Variants in MACROD2 observed in about 807,000 individuals in gnomAD.
MACROD2 encodes mono-ADP ribosylhydrolase 2.
MACROD2 carries 36 observed loss-of-function variants against 70.4 expected under a neutral mutation model. The ratio of observed to expected loss-of-function variants is 0.51; its 90% CI spans 0.39 to 0.68. The LOEUF is 0.68. Among genes scored for constraint, MACROD2 ranks in the 30% least tolerant of loss-of-function variants. MACROD2 has a pLI of 0.00. For synonymous variants in MACROD2, 172 were observed against 178.8 expected, an observed-to-expected ratio of 0.96 and a Z score of 0.30; for missense variants, 496 against 538.4, an observed-to-expected ratio of 0.92 and a Z score of 0.78.
At chr20:15,977,221 A>C (rs1026593325) in intron 13 of MACROD2, among the ~76,000 whole-genome samples, 1 of 152,236 alleles carries the variant, frequency 6.6e-6, no homozygotes, top group African/African-American at 2.4e-5. Context: ...CTATAGCAAC[A>C]GTGATAGAGA....
intron 6 of MACROD2, among the ~76,000 whole-genome samples, chr20:15,273,632 T>G (rs1267644293): frequency 6.6e-6 from 1 of 152,142 alleles, no homozygotes; most frequent in Non-Finnish European, 1.5e-5. Context: ...TCTGAAGGCC[T>G]ACAGATGGAA....
At chr20:14,033,326 T>G (rs2053268406) in intron 2 of MACROD2, among the ~76,000 whole-genome samples, 1 of 152,144 alleles carries the variant, frequency 6.6e-6, no homozygotes, top group Non-Finnish European at 1.5e-5. Flanking sequence ...TATGCCACTG[T>G]TACAGTTACA....
At chr20:14,364,082 G>T (rs1371180901) in intron 3 of MACROD2, among the ~76,000 whole-genome samples, 1 of 152,064 alleles carries the variant, frequency 6.6e-6, no homozygotes, top group Non-Finnish European at 1.5e-5. Context: ...TTAAAAGGTG[G>T]TTTTCTACTT....
At chr20:14,017,242 G>C (rs914385440) in intron 2 of MACROD2, among the ~76,000 whole-genome samples, 2 of 152,034 alleles carry the variant, frequency 1.3e-5, no homozygotes, top group Admixed American at 6.6e-5. Context: ...CGGGTTTTCT[G>C]CATTTACGAT....
chr20:14,443,222 G>A (rs2077258333), intron 3 of MACROD2, among the ~76,000 whole-genome samples: 1 of 151,820 alleles, frequency 6.6e-6, no homozygotes, highest in African/African-American at 2.4e-5. Flanking sequence ...AAAGGACTGG[G>A]TAGAGGCTGG....
chr20:14,066,855 A>G (rs1437870668), intron 2 of MACROD2, among the ~76,000 whole-genome samples: 1 of 120,414 alleles, frequency 8.3e-6, no homozygotes, highest in South Asian at 2.8e-4. Flanking sequence ...CTGTCCGCCC[A>G]GGCTGGAGAG....
At chr20:14,641,256 C>T (rs891739582) in intron 4 of MACROD2, among the ~76,000 whole-genome samples, 1 of 152,168 alleles carries the variant, frequency 6.6e-6, no homozygotes, top group Non-Finnish European at 1.5e-5. Flanking sequence ...GATTCAGTCA[C>T]GTATTTAGGC....
intron 5 of MACROD2, among the ~76,000 whole-genome samples, chr20:15,107,027 T>TTTTTTTTTTTTTTTTTTTTTTTTTTTTG (rs1402166470): frequency 6.7e-6 from 1 of 148,456 alleles, no homozygotes; most frequent in African/African-American, 2.5e-5. Context: ...CACAATCCTT[T>TTTTTTTTTTTTTTTTTTTTTTTTTTTTG]ATATACCTTT....
intron 3 of MACROD2, among the ~76,000 whole-genome samples, chr20:14,419,579 A>G (rs1339907077): frequency 1.3e-5 from 2 of 152,138 alleles, no homozygotes; most frequent in Admixed American, 6.5e-5. Flanking sequence ...TCTAGCTGCT[A>G]TGTGTATTTA....
intron 5 of MACROD2, among the ~76,000 whole-genome samples, chr20:14,862,027 A>ATATTT (rs1295498886): frequency 7.4e-5 from 1 of 13,482 alleles, no homozygotes; most frequent in African/African-American, 2.7e-4. Context: ...ATTTATATAT[A>ATATTT]TTTATATATA....
intron 8 of MACROD2, among the ~76,000 whole-genome samples, chr20:15,522,750 G>A (rs2047669682): frequency 6.6e-6 from 1 of 152,190 alleles, no homozygotes; most frequent in Admixed American, 6.5e-5. Context: ...TCTAGACTTG[G>A]ATGGCCTTTA....
chr20:14,486,375 C>T (rs1189920027), intron 3 of MACROD2, among the ~76,000 whole-genome samples: 1 of 152,026 alleles, frequency 6.6e-6, no homozygotes, highest in Non-Finnish European at 1.5e-5. Flanking sequence ...ACTGACTGAA[C>T]CCAACTAGAG....
chr20:14,251,565 A>T (rs765240393), intron 3 of MACROD2, among the ~76,000 whole-genome samples: 18 of 152,108 alleles, frequency 1.2e-4, no homozygotes, highest in Non-Finnish European at 2.6e-4. Context: ...GCAAAGGTGA[A>T]ACAGCGAAAA....
chr20:14,215,281 CATATATGTTCCATCATAT>C (rs959429255), intron 3 of MACROD2, among the ~76,000 whole-genome samples: 7 of 148,092 alleles, frequency 4.7e-5, no homozygotes, highest in African/African-American at 7.5e-5. Flanking sequence ...TATGTTCTAT[CATATATGTTCCATCATAT>C]ATATATGTTC....
intron 8 of MACROD2, among the ~76,000 whole-genome samples, chr20:15,501,454 A>G (rs1017927519): frequency 1.3e-5 from 2 of 152,326 alleles, no homozygotes; most frequent in Non-Finnish European, 2.9e-5. Flanking sequence ...GGTACATCTC[A>G]TCAACAAATT....
At chr20:15,517,511 G>A (rs546664950) in intron 8 of MACROD2, among the ~76,000 whole-genome samples, 161 of 152,322 alleles carry the variant, frequency 1.1e-3, no homozygotes, top group Admixed American at 3.5e-3. Context: ...CTATATCAGA[G>A]CAAGGACTTC....
intron 6 of MACROD2, among the ~76,000 whole-genome samples, chr20:15,371,971 AT>A (rs1337675561): frequency 6.6e-6 from 1 of 152,060 alleles, no homozygotes; most frequent in Non-Finnish European, 1.5e-5. Context: ...GTTTATGAAA[AT>A]TTTCATAAAT....
At chr20:15,645,611 G>A (rs1313258832) in intron 8 of MACROD2, among the ~76,000 whole-genome samples, 1 of 152,174 alleles carries the variant, frequency 6.6e-6, no homozygotes, top group African/African-American at 2.4e-5. Context: ...TACAGAAATT[G>A]TATTTTAAAA....
chr20:15,283,686 A>G (rs1418327687), intron 6 of MACROD2, among the ~76,000 whole-genome samples: 2 of 152,166 alleles, frequency 1.3e-5, no homozygotes, highest in Non-Finnish European at 2.9e-5. Context: ...ACAAACAAAC[A>G]AAAAACAAAC....
Sources: gnomAD v4.1 joint callset for allele counts (sites outside exome capture counted in the v4.1 genomes callset) on GRCh38, gnomAD v4.1.1 for gene constraint, MANE v1.5 for transcripts, NCBI Gene and HGNC (gene_info 2026-07-23, HGNC 2026-07-21) for gene names.